Variants in EPHB1 observed in about 807,000 individuals in gnomAD.
EPHB1 encodes the protein EPH receptor B1, also known as ephrin type-B receptor 1.
EPHB1 carries 30 observed loss-of-function variants against 94.4 expected under a neutral mutation model. The ratio of observed to expected loss-of-function variants is 0.32; its 90% CI spans 0.24 to 0.43. The LOEUF (loss-of-function observed/expected upper bound fraction) is 0.43. Ranked by LOEUF, EPHB1 falls within the 20% of genes least tolerant of loss-of-function variation. The pLI is 1.00. For synonymous variants in EPHB1, 522 were observed against 489.1 expected, an observed-to-expected ratio of 1.07 and a Z score of -0.89; for missense variants, 1,055 against 1,308.3, an observed-to-expected ratio of 0.81 and a Z score of 2.99.
chr3:134,968,283 T>C (rs892179877), intron 3 of EPHB1, among the ~76,000 whole-genome samples: 1 of 152,222 alleles, frequency 6.6e-6, no homozygotes, highest in Non-Finnish European at 1.5e-5. Context: ...GATGTTGATG[T>C]CAACATTTTT....
chr3:135,027,589 T>A (rs1936236454), intron 3 of EPHB1, among the ~76,000 whole-genome samples: 2 of 151,066 alleles, frequency 1.3e-5, no homozygotes, highest in Non-Finnish European at 2.9e-5. Flanking sequence ...TGCATAAGCT[T>A]TTTGATGTGC....
At chr3:135,024,109 A>T (rs1288394755) in intron 3 of EPHB1, among the ~76,000 whole-genome samples, 7 of 150,128 alleles carry the variant, frequency 4.7e-5, no homozygotes, top group African/African-American at 1.8e-4. Flanking sequence ...ACACGTGGTA[A>T]TGATGGCTGA....
intron 1 of EPHB1, among the ~76,000 whole-genome samples, chr3:134,881,905 G>A (rs749695546): frequency 2.2e-4 from 34 of 152,276 alleles, no homozygotes; most frequent in South Asian, 6.2e-4. Context: ...AGATGACTGA[G>A]CAAATGGAAA....
chr3:134,837,079 G>A (rs1221797577), intron 1 of EPHB1, among the ~76,000 whole-genome samples: 2 of 152,178 alleles, frequency 1.3e-5, no homozygotes, highest in Non-Finnish European at 2.9e-5. Context: ...TATTGTAAAA[G>A]GATGATAGCT....
intron 1 of EPHB1, among the ~76,000 whole-genome samples, chr3:134,823,468 A>G (rs2036419739): frequency 6.6e-6 from 1 of 152,200 alleles, no homozygotes; most frequent in African/African-American, 2.4e-5. Flanking sequence ...GTCTTGGGGA[A>G]GGAAGGCCTG....
intron 3 of EPHB1, among the ~76,000 whole-genome samples, chr3:135,102,909 A>C (rs976346925): frequency 4.6e-5 from 7 of 152,192 alleles, no homozygotes; most frequent in African/African-American, 1.7e-4. Context: ...TCTCACTCAT[A>C]AGTAGGAGTT....
At position 135,029,565 on chromosome 3, in the gene EPHB1, G is replaced by T. The variant is rs201080680; in HGVS notation, c.806-76883G>T. On this transcript the variant is annotated intron_variant, in intron 3 of 15. Transcript: ENST00000398015. Reference sequence around the variant, plus strand: ...TGAATATTGGCCCCCACTCTCTTCTGGCTTGTAGGGTTTCTGCCGAGAGAT... The same window carrying T: ...TGAATATTGGCCCCCACTCTCTTCTTGCTTGTAGGGTTTCTGCCGAGAGAT... 1.2e-3 allele frequency among the ~76,000 whole-genome samples: 176 copies of T among 149,352 alleles called. 6 individuals carry two copies. In the East Asian group the frequency reaches 0.032, roughly 27 times the overall value.
At chr3:135,160,803 A>G (rs1941483529) in intron 6 of EPHB1, among the ~76,000 whole-genome samples, 1 of 152,220 alleles carries the variant, frequency 6.6e-6, no homozygotes, top group African/African-American at 2.4e-5. Context: ...AAGCCTTCCA[A>G]GAGAAGAGGC....
Position 135,210,156 on chromosome 3 carries a change from T to C in EPHB1, c.2346+8467T>C, listed in dbSNP as rs372173301. Among the ~76,000 whole-genome samples the C allele has an allele frequency of 2.0e-5, 3 of 152,234 alleles. No homozygotes were observed. In the South Asian group the frequency reaches 6.2e-4, roughly 31 times the overall value. ...TCAATTCTCAAATTCTCAAATGTTG[T>C]TGAGTATCAGATTTACCTGGAGAGT... On this transcript the variant is annotated intron_variant, in intron 12 of 15. Transcript: ENST00000398015.
intron 1 of EPHB1, among the ~76,000 whole-genome samples, chr3:134,830,207 G>T (rs1163487026): frequency 6.6e-6 from 1 of 152,160 alleles, no homozygotes; most frequent in Non-Finnish European, 1.5e-5. Flanking sequence ...TTGACAATAA[G>T]TTGCAGACAT....
chr3:135,181,118 A>G (rs541491796), intron 10 of EPHB1, among the ~76,000 whole-genome samples: 3 of 152,306 alleles, frequency 2.0e-5, no homozygotes, highest in Non-Finnish European at 2.9e-5. Flanking sequence ...AGGGGTCAAA[A>G]AGCCATCTGT....
intron 1 of EPHB1, among the ~76,000 whole-genome samples, chr3:134,857,816 G>A (rs1488865102): frequency 6.6e-6 from 1 of 152,178 alleles, no homozygotes; most frequent in Non-Finnish European, 1.5e-5. Context: ...GAAACTCCAT[G>A]CAGGTGGTCT....
At chr3:134,874,326 T>G (rs929944621) in intron 1 of EPHB1, among the ~76,000 whole-genome samples, 1 of 151,566 alleles carries the variant, frequency 6.6e-6, no homozygotes, top group Admixed American at 6.6e-5. Flanking sequence ...TGAGAACACA[T>G]GGACACAGAG....
chr3:135,255,075 T>C (rs1383758761), intron 15 of EPHB1, among the ~76,000 whole-genome samples: 1 of 152,174 alleles, frequency 6.6e-6, no homozygotes, highest in African/African-American at 2.4e-5. Flanking sequence ...CCCTTTATCA[T>C]TTTTTATTGT....
intron 4 of EPHB1, among the ~76,000 whole-genome samples, chr3:135,117,696 G>A (rs1257195523): frequency 6.6e-6 from 1 of 152,224 alleles, no homozygotes; most frequent in Non-Finnish European, 1.5e-5. Context: ...TGTGGCAATG[G>A]TACTAATAGG....
intron 5 of EPHB1, among the ~76,000 whole-genome samples, chr3:135,137,367 A>T (rs1173461193): frequency 6.6e-6 from 1 of 152,210 alleles, no homozygotes; most frequent in Non-Finnish European, 1.5e-5. Flanking sequence ...TTGACAACTG[A>T]TTAGAAAATT....
chr3:135,085,976 G>T (rs1384571429), intron 3 of EPHB1, among the ~76,000 whole-genome samples: 1 of 152,162 alleles, frequency 6.6e-6, no homozygotes, highest in Non-Finnish European at 1.5e-5. Context: ...TAAGAGCTGA[G>T]GGGAGGCCTC....
intron 3 of EPHB1, among the ~76,000 whole-genome samples, chr3:135,058,638 T>G (rs1937409693): frequency 6.6e-6 from 1 of 152,230 alleles, no homozygotes; most frequent in Non-Finnish European, 1.5e-5. Flanking sequence ...TTAAAAACAC[T>G]TCACTTGCTA....
At chr3:135,133,450 C>A (rs764535382) in intron 5 of EPHB1, among the ~76,000 whole-genome samples, 12 of 152,024 alleles carry the variant, frequency 7.9e-5, no homozygotes, top group Non-Finnish European at 1.6e-4. Context: ...GGTAGGTGGA[C>A]AGATGGATGG....
Sources: gnomAD v4.1 joint callset for allele counts (sites outside exome capture counted in the v4.1 genomes callset) on GRCh38, gnomAD v4.1.1 for gene constraint, MANE v1.5 for transcripts, NCBI Gene and HGNC (gene_info 2026-07-23, HGNC 2026-07-21) for gene names.